PLPPR1: variants seen among roughly 807,000 people sequenced by gnomAD.
PLPPR1 encodes the protein phospholipid phosphatase related 1, also known as phospholipid phosphatase-related protein type 1.
Under a neutral mutation model 33.1 loss-of-function variants are expected in PLPPR1, and 10 were observed. That is an observed-to-expected ratio of 0.30 (90% CI 0.19 to 0.51). PLPPR1 has a LOEUF of 0.51. Among genes scored for constraint, PLPPR1 ranks in the 20% least tolerant of loss-of-function variants. The probability of loss-of-function intolerance (pLI) is 0.97; values close to 1 mark genes in which losing one functional copy is unlikely to be tolerated. For missense variants in PLPPR1, 304 were observed against 408.1 expected (o/e 0.74, Z 2.20); for synonymous variants, 151 against 151.0 (o/e 1.00, Z 0.00).
chr9:101,215,384 A>G (rs1202706672), intron 2 of PLPPR1, among the ~76,000 whole-genome samples: 1 of 151,760 alleles, frequency 6.6e-6, no homozygotes, highest in South Asian at 2.1e-4. Context: ...GGTTCAAGGG[A>G]TTCTCCTGCC....
intron 1 of PLPPR1, among the ~76,000 whole-genome samples, chr9:101,139,531 T>C (rs1171926618): frequency 5.3e-5 from 8 of 152,176 alleles, no homozygotes; most frequent in Non-Finnish European, 1.2e-4. Flanking sequence ...TAAATTCTCA[T>C]TGAGTATAGG....
intron 4 of PLPPR1, among the ~76,000 whole-genome samples, chr9:101,295,719 TA>T (rs1342053009): frequency 3.9e-5 from 6 of 151,998 alleles, no homozygotes; most frequent in Admixed American, 2.0e-4. Context: ...CCCTATTTAA[TA>T]AATGGTGCTG....
intron 2 of PLPPR1, among the ~76,000 whole-genome samples, chr9:101,197,015 G>C (rs1826409760): frequency 6.6e-6 from 1 of 152,160 alleles, no homozygotes; most frequent in Non-Finnish European, 1.5e-5. Context: ...TGACAGTCAT[G>C]GTATCAGTAA....
At chr9:101,289,587 C>T (rs1828456441) in intron 4 of PLPPR1, among the ~76,000 whole-genome samples, 1 of 152,210 alleles carries the variant, frequency 6.6e-6, no homozygotes, top group Admixed American at 6.5e-5. Flanking sequence ...GTGGTTCCCC[C>T]ATACTGTTCT....
rs1164879580 is a variant in PLPPR1 at position 101,286,208 on chromosome 9, C to T, written c.357C>T (p.Pro119=). 6.2e-7 allele frequency: 1 copy of T among 1,613,798 alleles called. No homozygotes were observed. Among genetic ancestry groups the T allele is most frequent in the Admixed American group, 1.7e-5 (1 of 60,004 alleles). ...CCGGAGAATGCTGTTACCTGAACCC[C>T]TTACTTCGAAGGATCATAAGATTCA... ...ILTGECCYLN[P]LLRRIIRFTG... is the part of the protein sequence containing the mutation. The change falls in exon 4 of 8, where the codon CCC becomes CCT. Residue 119 remains proline, a synonymous_variant. Transcript: ENST00000374874.
At chr9:101,183,601 G>T (rs1826154903) in intron 1 of PLPPR1, among the ~76,000 whole-genome samples, 1 of 151,200 alleles carries the variant, frequency 6.6e-6, no homozygotes, top group South Asian at 2.1e-4. Context: ...TGCACAATTT[G>T]GTAAATTTAT....
intron 3 of PLPPR1, among the ~76,000 whole-genome samples, chr9:101,272,979 T>C (rs1424152459): frequency 6.6e-6 from 1 of 152,230 alleles, no homozygotes; most frequent in Non-Finnish European, 1.5e-5. Context: ...ATAGTTTTAA[T>C]AATTAGAAAC....
chr9:101,317,266 T>G, intron 6 of PLPPR1, 99 bp from the exon 7 acceptor site: 1 of 1,289,618 alleles, frequency 7.8e-7, no homozygotes, highest in Non-Finnish European at 1.1e-6. Context: ...AAGGTCACTC[T>G]GGTGATGATA....
At chr9:101,169,993 G>T (rs1825917222) in intron 1 of PLPPR1, among the ~76,000 whole-genome samples, 1 of 151,728 alleles carries the variant, frequency 6.6e-6, no homozygotes, top group Non-Finnish European at 1.5e-5. Context: ...ATTGACCCAA[G>T]ACCTAAGAGT....
rs149135472 is a variant in PLPPR1, at chr9:101,181,934, T to C, written c.-45-3516T>C. ...TATAGTGTGTATGTGTATATATATA[T>C]ACACACACATACATACATAAACCAA... On this transcript the variant is annotated intron_variant, in intron 1 of 7. Coordinates refer to ENST00000374874, the MANE Select transcript of PLPPR1 (RefSeq NM_207299.2). Among the ~76,000 whole-genome samples, 686 of 150,408 alleles carry C rather than the reference T, an allele frequency of 4.6e-3. 10 individuals are homozygous for C. Among genetic ancestry groups the C allele is most frequent in the African/African-American group, 0.016 (656 of 41,124 alleles).
intron 7 of PLPPR1, among the ~76,000 whole-genome samples, chr9:101,321,581 A>G (rs1479561990): frequency 3.3e-5 from 5 of 152,086 alleles, no homozygotes; most frequent in Non-Finnish European, 7.4e-5. Context: ...CCCACTCACA[A>G]TGTACATGAG....
At chr9:101,088,352 C>T (rs1222069049) in intron 1 of PLPPR1, among the ~76,000 whole-genome samples, 7 of 151,968 alleles carry the variant, frequency 4.6e-5, no homozygotes, top group Non-Finnish European at 8.8e-5. Flanking sequence ...ATTAAAACGT[C>T]ATGATGTACA....
intron 2 of PLPPR1, among the ~76,000 whole-genome samples, chr9:101,262,305 C>A (rs1335581351): frequency 1.3e-5 from 2 of 152,218 alleles, no homozygotes; most frequent in Non-Finnish European, 2.9e-5. Flanking sequence ...GGCAGCACAG[C>A]TGGTTTCCAA....
intron 4 of PLPPR1, among the ~76,000 whole-genome samples, chr9:101,287,412 TGAG>T (rs2118917584): frequency 6.6e-6 from 1 of 152,226 alleles, no homozygotes; most frequent in South Asian, 2.1e-4. Flanking sequence ...CAAGGGGAAA[TGAG>T]GAGAGAAGAG....
intron 2 of PLPPR1, among the ~76,000 whole-genome samples, chr9:101,196,584 G>A (rs111918047): frequency 3.3e-5 from 5 of 152,152 alleles, no homozygotes; most frequent in African/African-American, 9.7e-5. Flanking sequence ...ATTGTTGGCC[G>A]GACGCGGCGG....
At chr9:101,251,761 G>C (rs187852680) in intron 2 of PLPPR1, among the ~76,000 whole-genome samples, 1 of 152,092 alleles carries the variant, frequency 6.6e-6, no homozygotes, top group Non-Finnish European at 1.5e-5. Context: ...AGAAGAGAAC[G>C]TACTGGCTCA....
chr9:101,061,332 A>T (rs1187948327), intron 1 of PLPPR1, among the ~76,000 whole-genome samples: 1 of 151,928 alleles, frequency 6.6e-6, no homozygotes, highest in African/African-American at 2.4e-5. Context: ...TTCATTTATG[A>T]TATTAAAAAA....
chr9:101,062,149 G>GGTGTGT (rs56998660), intron 1 of PLPPR1, among the ~76,000 whole-genome samples: 3,083 of 148,464 alleles, frequency 0.021, 81 homozygotes, highest in African/African-American at 0.063. Flanking sequence ...GACAAAATGT[G>GGTGTGT]GTGTGTGTGT....
chr9:101,220,298 G>C (rs928906606), intron 2 of PLPPR1, among the ~76,000 whole-genome samples: 1 of 152,122 alleles, frequency 6.6e-6, no homozygotes, highest in Non-Finnish European at 1.5e-5. Flanking sequence ...TCATTTAATT[G>C]AGCACGGTGG....
Sources: gnomAD v4.1 joint callset for allele counts (sites outside exome capture counted in the v4.1 genomes callset) on GRCh38, gnomAD v4.1.1 for gene constraint, MANE v1.5 for transcripts, NCBI Gene and HGNC (gene_info 2026-07-23, HGNC 2026-07-21) for gene names.